PATJ: variants seen among roughly 807,000 people sequenced by gnomAD.
PATJ encodes the protein PATJ crumbs cell polarity complex component, also known as inaD-like protein.
A neutral mutation model predicts 224.9 loss-of-function variants in PATJ; 190 were observed. That is an observed-to-expected ratio of 0.84 (90% CI 0.75 to 0.95). The LOEUF (loss-of-function observed/expected upper bound fraction) is 0.95, where lower values mean the gene tolerates loss of function less well. Ranked by LOEUF, PATJ falls within the 40% of genes least tolerant of loss-of-function variation. The pLI is 0.00. For synonymous variants in PATJ, 769 were observed against 820.3 expected (o/e 0.94, Z 1.07); for missense variants, 2,121 against 2,270.3 (o/e 0.93, Z 1.34).
chr1:61,757,973 A>G (rs992138118), intron 1 of PATJ, among the ~76,000 whole-genome samples: 1 of 152,090 alleles, frequency 6.6e-6, no homozygotes. Flanking sequence ...CTAGAAACCT[A>G]CACACACACA....
At chr1:61,999,138 T>C (rs909817979) in intron 28 of PATJ, among the ~76,000 whole-genome samples, 20 of 152,078 alleles carry the variant, frequency 1.3e-4, no homozygotes, top group African/African-American at 4.8e-4. Context: ...GGAAGAAATT[T>C]ATGGAAGGAG....
At chr1:61,970,310 C>A (rs11801215) in intron 27 of PATJ, among the ~76,000 whole-genome samples, 1 of 151,878 alleles carries the variant, frequency 6.6e-6, no homozygotes, top group Non-Finnish European at 1.5e-5. Context: ...GACACACGGG[C>A]AACCTCTCCC....
At chr1:61,956,066 G>C (rs1456585965) in intron 27 of PATJ, among the ~76,000 whole-genome samples, 2 of 152,132 alleles carry the variant, frequency 1.3e-5, no homozygotes, top group South Asian at 2.1e-4. Flanking sequence ...AGCTGAATTG[G>C]AGAAAAATAC....
At chr1:61,828,666 A>T (rs919409484) in intron 16 of PATJ, among the ~76,000 whole-genome samples, 2 of 152,146 alleles carry the variant, frequency 1.3e-5, no homozygotes, top group African/African-American at 4.8e-5. Context: ...TGCTGGGTTT[A>T]TAGGTGTGAG....
chr1:61,932,155 A>G lies in PATJ; in HGVS notation c.3670+4326A>G, dbSNP rs182328642. On this transcript the variant is annotated intron_variant, in intron 27 of 43. Coordinates refer to ENST00000642238, the MANE Select transcript of PATJ (RefSeq NM_001350145.3). The stretch of plus-strand genomic sequence containing the variant: ...CTTGTTAAAACAGTAATTGATAGTC[A>G]TGGTCATTCCCTGCCTGCCCCCCCA... 9.9e-5 allele frequency among the ~76,000 whole-genome samples: 15 copies of G among 152,278 alleles called. No homozygotes were observed. The East Asian group carries it at 2.7e-3, about 27-fold the overall frequency.
chr1:62,069,666 C>G (rs1657064048), intron 31 of PATJ, among the ~76,000 whole-genome samples: 1 of 152,168 alleles, frequency 6.6e-6, no homozygotes, highest in Admixed American at 6.5e-5. Flanking sequence ...ACTTCAGGCT[C>G]CTGCTACCCA....
chr1:61,749,105 T>A (rs12033062), intron 1 of PATJ, among the ~76,000 whole-genome samples: 1,990 of 151,812 alleles, frequency 0.013, 82 homozygotes, highest in East Asian at 0.13. Context: ...GCCTCCCAAG[T>A]AGCTGGGATT....
At chr1:62,088,956 CGAG>C (rs1317402392) in intron 33 of PATJ, among the ~76,000 whole-genome samples, 1 of 151,256 alleles carries the variant, frequency 6.6e-6, no homozygotes, top group East Asian at 1.9e-4. Flanking sequence ...CACACTTTCC[CGAG>C]GAGGTGTTCA....
At chr1:62,120,005 A>G (rs1022991085) in intron 37 of PATJ, among the ~76,000 whole-genome samples, 3 of 152,210 alleles carry the variant, frequency 2.0e-5, no homozygotes, top group Non-Finnish European at 4.4e-5. Flanking sequence ...TTTTAAAGGC[A>G]AAAGTTATAA....
At chr1:62,015,162 G>T (rs1023215527) in intron 28 of PATJ, among the ~76,000 whole-genome samples, 12 of 151,806 alleles carry the variant, frequency 7.9e-5, no homozygotes, top group African/African-American at 2.9e-4. Flanking sequence ...AAATTAGCCG[G>T]GCTTGGTGGC....
chr1:62,119,015 A>C (rs1341582641), intron 37 of PATJ, among the ~76,000 whole-genome samples: 1 of 152,018 alleles, frequency 6.6e-6, no homozygotes, highest in Non-Finnish European at 1.5e-5. Context: ...AAAAAAAAAA[A>C]AACCTATCGT....
intron 21 of PATJ, among the ~76,000 whole-genome samples, chr1:61,880,283 C>A (rs528848830): frequency 2.6e-4 from 40 of 152,344 alleles, no homozygotes; most frequent in Admixed American, 4.6e-4. Context: ...ACTTAGCTAT[C>A]TCTAATGCCT....
intron 24 of PATJ, among the ~76,000 whole-genome samples, chr1:61,907,971 T>C (rs1007258842): frequency 6.6e-6 from 1 of 152,190 alleles, no homozygotes; most frequent in African/African-American, 2.4e-5. Context: ...ACTTAAAATA[T>C]TATGCCTCTG....
At chr1:61,982,777 G>T (rs1271956578) in intron 27 of PATJ, among the ~76,000 whole-genome samples, 2 of 151,918 alleles carry the variant, frequency 1.3e-5, no homozygotes, top group Non-Finnish European at 2.9e-5. Flanking sequence ...TGTGTGTGTG[G>T]TGTGTATTTT....
intron 29 of PATJ, among the ~76,000 whole-genome samples, chr1:62,036,064 G>T (rs1487809542): frequency 6.6e-6 from 1 of 152,012 alleles, no homozygotes; most frequent in Non-Finnish European, 1.5e-5. Flanking sequence ...CACTAGAGGG[G>T]GCCAGAGATG....
chr1:61,806,456 A>G (rs1018873103), intron 13 of PATJ, among the ~76,000 whole-genome samples: 3 of 151,828 alleles, frequency 2.0e-5, no homozygotes, highest in Non-Finnish European at 4.4e-5. Context: ...CGTCTCTACT[A>G]AAAATACAAA....
chr1:62,147,204 A>G (rs977598170), intron 41 of PATJ, among the ~76,000 whole-genome samples: 3 of 152,108 alleles, frequency 2.0e-5, no homozygotes, highest in Non-Finnish European at 4.4e-5. Context: ...ATGGGAGACA[A>G]TGGGATGGGA....
rs376451372 is a variant in PATJ at position 62,159,068 on chromosome 1, T to C, written c.5503-1840T>C. Reference sequence around the variant, plus strand: ...TTACTGAAGCCCTTAAATCTTAGCATGTAAAATTTAATAAAATCAACTTTG... The same window carrying C: ...TTACTGAAGCCCTTAAATCTTAGCACGTAAAATTTAATAAAATCAACTTTG... On this transcript the variant is annotated intron_variant, in intron 43 of 43. Coordinates refer to ENST00000642238, the MANE Select transcript of PATJ (RefSeq NM_001350145.3). Among the ~76,000 whole-genome samples the C allele has an allele frequency of 9.8e-5, 15 of 152,378 alleles. No individual in the cohort carries two copies. In the South Asian group the frequency reaches 2.3e-3, roughly 23 times the overall value.
chr1:61,820,247 A>T (rs1240773445), intron 14 of PATJ, among the ~76,000 whole-genome samples: 1 of 152,124 alleles, frequency 6.6e-6, no homozygotes, highest in Non-Finnish European at 1.5e-5. Flanking sequence ...TCAGTTGGCC[A>T]GGCTGGTCTT....
Sources: allele counts gnomAD v4.1 joint callset (sites outside exome capture counted in the v4.1 genomes callset), GRCh38; gene constraint gnomAD v4.1.1; transcripts MANE v1.5; gene names NCBI Gene and HGNC (gene_info 2026-07-23, HGNC 2026-07-21).